Variants in ZFP57 observed in about 807,000 individuals in gnomAD.
ZFP57 encodes the protein zinc finger protein 57 homolog.
ZFP57 carries 12 observed loss-of-function variants against 15.8 expected under a neutral mutation model. The ratio of observed to expected loss-of-function variants is 0.76; its 90% CI spans 0.49 to 1.23. The LOEUF (loss-of-function observed/expected upper bound fraction) is 1.23. ZFP57 is among the 50% of genes most tolerant of loss of function. The pLI, the probability that ZFP57 is intolerant of heterozygous loss-of-function variation, is 0.00. For synonymous variants in ZFP57, 203 were observed against 242.3 expected (o/e 0.84, Z 1.51); for missense variants, 536 against 654.9 (o/e 0.82, Z 1.98).
chr6:29,677,768 T>TACACACACACACACACAC (rs9278235), intron 1 of ZFP57, among the ~76,000 whole-genome samples: 7 of 149,514 alleles, frequency 4.7e-5, no homozygotes, highest in Admixed American at 6.7e-5. Flanking sequence ...ACCAAAATTA[T>TACACACACACACACACAC]ACACACACAC....
rs147411133 is a variant in ZFP57 at position 29,672,591 on chromosome 6, C to T, written c.1520G>A (p.Arg507Lys). The change falls in exon 5 of 5, where the codon AGG (arginine) becomes AAG (lysine). Residue 507 changes from arginine to lysine, a missense_variant. Physicochemically the swap from Arg to Lys is conservative, Grantham distance 26. Transcript: ENST00000376883. ...WKHGGDQSPP[R>K]IHTPRRRGLR... Reference sequence around the variant, plus strand: ...GCCTCTTCTCCTGGGGGTATGGATCCTGGGGGGAGATTGATCACCTCCATG... The same window carrying T: ...GCCTCTTCTCCTGGGGGTATGGATCTTGGGGGGAGATTGATCACCTCCATG... 2.0e-5 allele frequency: 32 copies of T among 1,612,424 alleles called. No individual in the cohort carries two copies. Among genetic ancestry groups the T allele is most frequent in the Non-Finnish European group, 2.7e-5 (32 of 1,179,574 alleles).
In ZFP57 at chr6:29,677,173, A is replaced by G; in HGVS notation, c.-170T>C. 2.4e-6 allele frequency: 2 copies of G among 828,360 alleles called. No individual in the cohort carries two copies. The highest frequency in any genetic ancestry group is 1.5e-5 in the South Asian group (1 of 64,846). 51.3% of individuals were successfully genotyped at this position (828,360 alleles called of 1,614,324 possible). On this transcript the variant is annotated 5_prime_UTR_variant, in exon 2 of 5. Transcript: ENST00000376883. ...TTCCTGTGACAAATGTATCTGCTCCAAGAGGCTGTCTTCCTTTTTTGTTCT... is the reference window on the plus strand; with the variant it reads ...TTCCTGTGACAAATGTATCTGCTCCGAGAGGCTGTCTTCCTTTTTTGTTCT...
Position 29,677,258 on chromosome 6 carries a change from C to A in ZFP57, c.-255G>T. ...AATTTTGCTTCCCTCAAAGCTGGGC[C>A]ACCGAGTTCAGGGCCCTGGTCACCC... On this transcript the variant is annotated 5_prime_UTR_variant, in exon 2 of 5. Coordinates refer to ENST00000376883, the MANE Select transcript of ZFP57 (RefSeq NM_001109809.5). 1 of 564,070 alleles carries A rather than the reference C, an allele frequency of 1.8e-6. No homozygotes were observed. 34.9% of individuals were successfully genotyped at this position (564,070 alleles called of 1,614,324 possible).
chr6:29,678,514 A>G (rs1368319195), intron 1 of ZFP57, among the ~76,000 whole-genome samples: 2 of 152,252 alleles, frequency 1.3e-5, no homozygotes, highest in African/African-American at 2.4e-5. Flanking sequence ...GCCATAAAAT[A>G]AAAAGGTAAA....
chr6:29,676,789 GATTTC>G, intron 2 of ZFP57, 87 bp downstream of exon 2: 1 of 1,526,654 alleles, frequency 6.6e-7, no homozygotes, highest in Non-Finnish European at 8.9e-7. Context: ...AACAATCTGA[GATTTC>G]ATTTGACCTG....
Position 29,675,400 on chromosome 6 carries a change from G to T in ZFP57, c.338C>A (p.Thr113Lys). The part of the protein sequence containing the change: ...QWREFVHLPN[T>K]EGLSEGKKKE... The stretch of plus-strand genomic sequence containing the variant: ...GCAATTCTTACCTGAAAGGCCTTCT[G>T]TGTTTGGGAGATGGACAAACTCTCT... Residue 113 changes from threonine to lysine, a missense_variant, in exon 4 of 5, where the codon ACA becomes AAA. Physicochemically the swap from Thr to Lys is moderately conservative, Grantham distance 78. Coordinates refer to ENST00000376883, the MANE Select transcript of ZFP57 (RefSeq NM_001109809.5). The T allele has an allele frequency of 6.2e-7, 1 of 1,613,896 alleles. No homozygotes were observed. Among genetic ancestry groups the T allele is most frequent in the Non-Finnish European group, 8.5e-7 (1 of 1,179,844 alleles).
chr6:29,673,324 CAG>C lies in ZFP57; in HGVS notation c.785_786del (p.Ser262CysfsTer11), dbSNP rs1368158770. Reference protein sequence around the residue: ...VHLGYRPHSCSVCGKSFRDQS... With the variant: ...VHLGYRPHSCXVCGKSFRDQS... ...TGGTCCCGGAAGCTCTTCCCACACA[CAG>C]AGCATGAATGGGGCCGGTAACCCAG... On this transcript the variant is annotated frameshift_variant, in exon 5 of 5. Coordinates refer to ENST00000376883, the MANE Select transcript of ZFP57 (RefSeq NM_001109809.5). LOFTEE classifies it low-confidence loss of function (END_TRUNC). This position sits in a 1 kb window ranked among gnomAD's most constrained non-coding sequence, Gnocchi z 4.7. 2 of 1,612,924 alleles carry C rather than the reference CAG, an allele frequency of 1.2e-6. No homozygotes were observed. Among genetic ancestry groups the C allele is most frequent in the African/African-American group, 1.3e-5 (1 of 74,912 alleles).
chr6:29,675,825 A>G (rs1772038711), intron 3 of ZFP57, 108 bp downstream of exon 3: 2 of 1,393,016 alleles, frequency 1.4e-6, no homozygotes, highest in African/African-American at 2.8e-5. Context: ...AAAGCATAGA[A>G]CCAGGGGTCA....
chr6:29,675,906 C>T, intron 3 of ZFP57, 27 bp downstream of exon 3: 2 of 1,612,958 alleles, frequency 1.2e-6, no homozygotes, highest in East Asian at 2.2e-5. Context: ...GGACAGGGGG[C>T]TTGCTGAGGG....
rs1771868618 is a variant in ZFP57 at position 29,673,582 on chromosome 6, A to C, written c.529T>G (p.Cys177Gly). The C allele has an allele frequency of 6.2e-7, 1 of 1,612,488 alleles. No homozygotes were observed. Among genetic ancestry groups the C allele is most frequent in the Non-Finnish European group, 8.5e-7 (1 of 1,179,804 alleles). The change falls in exon 5 of 5, where the codon TGC becomes GGC. Residue 177 changes from cysteine to glycine, a missense_variant. By Grantham distance (159) the Cys-to-Gly change is radical (BLOSUM62 -3). Coordinates refer to ENST00000376883, the MANE Select transcript of ZFP57 (RefSeq NM_001109809.5). This position sits in a 1 kb window ranked among gnomAD's most constrained non-coding sequence, Gnocchi z 4.7. Reference protein sequence around the residue: ...QASQAGPPFFCYTCGKCFSRR... With the variant: ...QASQAGPPFFGYTCGKCFSRR... ...CTGAAACATTTGCCACAGGTGTAGCAAAAAAAGGGTGGCCCAGCCTGGGAT... is the reference window on the plus strand; with the variant it reads ...CTGAAACATTTGCCACAGGTGTAGCCAAAAAAGGGTGGCCCAGCCTGGGAT...
At position 29,672,602 on chromosome 6, in the gene ZFP57, T is replaced by C. The variant is rs757316381; in HGVS notation, c.1509A>G (p.Gln503=). 30 of 1,612,026 alleles carry C rather than the reference T, an allele frequency of 1.9e-5. No individual in the cohort carries two copies. Among genetic ancestry groups the C allele is most frequent in the African/African-American group, 5.3e-5 (4 of 74,868 alleles). The part of the protein sequence containing the change: ...AGEEWKHGGD[Q]SPPRIHTPRR... ...TGGGGGTATGGATCCTGGGGGGAGA[T>C]TGATCACCTCCATGCTTCCATTCCT... The change falls in exon 5 of 5, where the codon CAA becomes CAG. Residue 503 remains glutamine (Q), a synonymous_variant. Coordinates refer to ENST00000376883, the MANE Select transcript of ZFP57 (RefSeq NM_001109809.5).
rs758763239 is a variant in ZFP57 at position 29,672,829 on chromosome 6, C to T, written c.1282G>A (p.Val428Ile). Reference protein sequence around the residue: ...SKSFSSFSRLVRHQQTHWKQK... With the variant: ...SKSFSSFSRLIRHQQTHWKQK... ...TTCCAGTGGGTCTGCTGGTGTCTGA[C>T]CAGCCTGGAAAATGAGCTGAAAGAC... Residue 428 changes from valine (V) to isoleucine (I), a missense_variant, in exon 5 of 5, where the codon GTC becomes ATC. Val to Ile is a conservative substitution (Grantham distance 29). Coordinates refer to ENST00000376883, the MANE Select transcript of ZFP57 (RefSeq NM_001109809.5). 3.7e-6 allele frequency: 6 copies of T among 1,613,088 alleles called. No homozygotes were observed. In the Admixed American group the frequency reaches 1.0e-4, roughly 27 times the overall value.
intron 4 of ZFP57, among the ~76,000 whole-genome samples, chr6:29,674,207 A>AAAG (rs10636075): frequency 2.7e-5 from 4 of 146,878 alleles, no homozygotes; most frequent in South Asian, 2.1e-4. Flanking sequence ...GAAGAAAAGA[A>AAAG]AAGAAGAAGA....
At chr6:29,674,935 C>T (rs1240654388) in intron 4 of ZFP57, among the ~76,000 whole-genome samples, 1 of 151,936 alleles carries the variant, frequency 6.6e-6, no homozygotes, top group East Asian at 1.9e-4. Context: ...GATGGATAAC[C>T]TGAGGTCAAG....
At position 29,673,578 on chromosome 6, in the gene ZFP57, T is replaced by C; in HGVS notation, c.533A>G (p.Tyr178Cys). Residue 178 changes from tyrosine (Y) to cysteine (C), a missense_variant, in exon 5 of 5, where the codon TAC becomes TGC. Physicochemically the swap from Tyr to Cys is radical, Grantham distance 194. Transcript: ENST00000376883. This position sits in a 1 kb window ranked among gnomAD's most constrained non-coding sequence, Gnocchi z 4.7. ...CCTGCTGAAACATTTGCCACAGGTGTAGCAAAAAAAGGGTGGCCCAGCCTG... is the reference window on the plus strand; with the variant it reads ...CCTGCTGAAACATTTGCCACAGGTGCAGCAAAAAAAGGGTGGCCCAGCCTG... ...ASQAGPPFFC[Y>C]TCGKCFSRRS... 6.2e-7 allele frequency: 1 copy of C among 1,612,812 alleles called. No individual in the cohort carries two copies. The highest frequency in any genetic ancestry group is 8.5e-7 in the Non-Finnish European group (1 of 1,179,966).
At chr6:29,675,888 G>A (rs1284579705) in intron 3 of ZFP57, 45 bp downstream of exon 3, 1 of 1,612,240 alleles carries the variant, frequency 6.2e-7, no homozygotes, top group Admixed American at 1.7e-5. Context: ...GATGTTCCAG[G>A]GCCCTTAGGA....
chr6:29,675,829 G>C, intron 3 of ZFP57, 104 bp downstream of exon 3: 1 of 1,417,858 alleles, frequency 7.1e-7, no homozygotes, highest in Non-Finnish European at 9.9e-7. Flanking sequence ...CATAGAACCA[G>C]GGGTCAGTGA....
At chr6:29,674,803 T>C (rs962657733) in intron 4 of ZFP57, among the ~76,000 whole-genome samples, 8 of 152,182 alleles carry the variant, frequency 5.3e-5, no homozygotes, top group African/African-American at 1.9e-4. Flanking sequence ...TAAGCAACTT[T>C]CATGTCATCT....
intron 1 of ZFP57, among the ~76,000 whole-genome samples, chr6:29,677,853 C>T (rs572047826): frequency 2.9e-4 from 44 of 152,048 alleles, no homozygotes; most frequent in African/African-American, 8.9e-4. Flanking sequence ...CATGGTTTTG[C>T]TTTCCAATGC....
Sources: gnomAD v4.1 joint callset for allele counts (sites outside exome capture counted in the v4.1 genomes callset) on GRCh38, gnomAD v4.1.1 for gene constraint, Gnocchi (gnomAD v3.1) non-coding constraint, MANE v1.5 for transcripts, NCBI Gene and HGNC (gene_info 2026-07-23, HGNC 2026-07-21) for gene names.